Variants in PCED1B observed in about 807,000 individuals in gnomAD.
PCED1B encodes PC-esterase domain containing 1B.
For synonymous variants in PCED1B, 251 were observed against 246.1 expected (o/e 1.02, Z -0.19); for missense variants, 573 against 573.9 (o/e 1.00, Z 0.02).
At chr12:47,134,564 A>C (rs1940269276) in intron 2 of PCED1B, among the ~76,000 whole-genome samples, 2 of 152,308 alleles carry the variant, frequency 1.3e-5, no homozygotes, top group Admixed American at 1.3e-4. Context: ...ACCTCAAAGA[A>C]AATTGCTATT....
intron 2 of PCED1B, among the ~76,000 whole-genome samples, chr12:47,186,828 C>T (rs1478151214): frequency 6.6e-6 from 1 of 152,168 alleles, no homozygotes. Context: ...GAAATTAACA[C>T]AGCACAAAAT....
intron 2 of PCED1B, among the ~76,000 whole-genome samples, chr12:47,197,056 T>C (rs1269803023): frequency 1.3e-5 from 2 of 149,526 alleles, no homozygotes; most frequent in Non-Finnish European, 3.0e-5. Flanking sequence ...CTGACCAACA[T>C]GGTGAAACCC....
chr12:47,215,644 G>C (rs1943233739), intron 2 of PCED1B, among the ~76,000 whole-genome samples: 1 of 152,202 alleles, frequency 6.6e-6, no homozygotes, highest in Non-Finnish European at 1.5e-5. Flanking sequence ...TTCTTATCTT[G>C]CTCTGCCACA....
At chr12:47,139,210 C>T (rs1162873987) in intron 2 of PCED1B, among the ~76,000 whole-genome samples, 2 of 152,064 alleles carry the variant, frequency 1.3e-5, no homozygotes, top group Non-Finnish European at 2.9e-5. Context: ...AAGCTTCCCT[C>T]CTGTTGTGTG....
intron 2 of PCED1B, among the ~76,000 whole-genome samples, chr12:47,150,641 G>T (rs1415930279): frequency 2.0e-5 from 3 of 151,894 alleles, no homozygotes; most frequent in African/African-American, 7.3e-5. Flanking sequence ...GGAAGTGGGG[G>T]ACTCACCCAT....
chr12:47,101,669 G>A (rs984313159), intron 1 of PCED1B, among the ~76,000 whole-genome samples: 5 of 152,208 alleles, frequency 3.3e-5, no homozygotes, highest in South Asian at 4.1e-4. Context: ...GATTTGGTCC[G>A]GGCACGGTGG....
intron 1 of PCED1B, among the ~76,000 whole-genome samples, chr12:47,095,064 GC>G (rs887176459): frequency 7.4e-6 from 1 of 134,414 alleles, no homozygotes; most frequent in African/African-American, 2.9e-5. Context: ...GTGCCACTGT[GC>G]CCACAATTTT....
At chr12:47,168,953 A>C (rs1017549166) in intron 2 of PCED1B, among the ~76,000 whole-genome samples, 5 of 152,222 alleles carry the variant, frequency 3.3e-5, no homozygotes, top group Non-Finnish European at 5.9e-5. Flanking sequence ...GAACATGCAA[A>C]AATATGAATA....
intron 3 of PCED1B, among the ~76,000 whole-genome samples, chr12:47,219,194 A>T (rs1398811811): frequency 2.0e-5 from 3 of 152,208 alleles, no homozygotes; most frequent in African/African-American, 7.2e-5. Flanking sequence ...TTACACATAG[A>T]ATTTAAATAC....
chr12:47,085,511 CAGGGATGT>C (rs969413150), intron 1 of PCED1B, among the ~76,000 whole-genome samples: 2 of 152,188 alleles, frequency 1.3e-5, no homozygotes, highest in East Asian at 1.9e-4. Context: ...TAATGTGCAA[CAGGGATGT>C]GGGCAAATAA....
At chr12:47,105,909 T>C (rs1938927742) in intron 2 of PCED1B, among the ~76,000 whole-genome samples, 1 of 152,236 alleles carries the variant, frequency 6.6e-6, no homozygotes. Context: ...TTCATTTTCT[T>C]GTGAGTGTTG....
At chr12:47,188,269 C>G (rs1057207983) in intron 2 of PCED1B, among the ~76,000 whole-genome samples, 1 of 152,112 alleles carries the variant, frequency 6.6e-6, no homozygotes, top group Admixed American at 6.5e-5. Context: ...AGGCTAATCT[C>G]AGGGGGGAAT....
intron 1 of PCED1B, among the ~76,000 whole-genome samples, chr12:47,102,373 T>G (rs1029269160): frequency 6.6e-6 from 1 of 152,232 alleles, no homozygotes; most frequent in African/African-American, 2.4e-5. Flanking sequence ...TCTTTACTTG[T>G]AATAATATCA....
At chr12:47,234,941 C>A (rs537641560) in intron 3 of PCED1B, 66 bp from the exon 4 acceptor site, 1 of 874,770 alleles carries the variant, frequency 1.1e-6, no homozygotes, top group Non-Finnish European at 1.6e-6. Flanking sequence ...CTCCCTACCC[C>A]CAACCTGCAC....
rs77808542 is a variant in PCED1B at position 47,159,497 on chromosome 12, G to T, written c.-526+55302G>T. ...TTTGTTTGCATTTCTCTGATGATTA[G>T]TGATGTAGAGCATTTTGTTGGCCAT... is the stretch of plus-strand genomic sequence containing the variant. On this transcript the variant is annotated intron_variant, in intron 2 of 3. Coordinates refer to ENST00000546455, the MANE Select transcript of PCED1B (RefSeq NM_138371.3). Among the ~76,000 whole-genome samples the T allele has an allele frequency of 9.2e-3, 1,405 of 152,170 alleles. 10 individuals carry two copies. The highest frequency in any genetic ancestry group is 0.016 in the Admixed American group (241 of 15,290).
At chr12:47,181,627 A>G (rs1942098999) in intron 2 of PCED1B, among the ~76,000 whole-genome samples, 1 of 152,114 alleles carries the variant, frequency 6.6e-6, no homozygotes. Context: ...TTGGCCTCCC[A>G]AAGTGCTGGG....
At chr12:47,134,744 T>C (rs957238970) in intron 2 of PCED1B, among the ~76,000 whole-genome samples, 1 of 152,144 alleles carries the variant, frequency 6.6e-6, no homozygotes, top group African/African-American at 2.4e-5. Flanking sequence ...GGCGGGCGCC[T>C]GTAGTCCCAG....
intron 2 of PCED1B, among the ~76,000 whole-genome samples, chr12:47,125,053 G>A (rs900615704): frequency 6.6e-6 from 1 of 151,972 alleles, no homozygotes; most frequent in African/African-American, 2.4e-5. Context: ...TGTGTGGAGG[G>A]TATTTTTGGT....
chr12:47,145,422 A>G (rs113294504), intron 2 of PCED1B, among the ~76,000 whole-genome samples: 1,600 of 152,344 alleles, frequency 0.011, 31 homozygotes, highest in African/African-American at 0.036. Flanking sequence ...AGGCAGCTAC[A>G]CTAAACAAGA....
Sources: gnomAD v4.1 joint callset for allele counts (sites outside exome capture counted in the v4.1 genomes callset) on GRCh38, gnomAD v4.1.1 for gene constraint, MANE v1.5 for transcripts, NCBI Gene and HGNC (gene_info 2026-07-23, HGNC 2026-07-21) for gene names.